Variants in ARHGEF12 observed in about 807,000 individuals in gnomAD.
The protein encoded by ARHGEF12 is KMT2A/ARHGEF12 fusion protein.
Under a neutral mutation model 211.2 loss-of-function variants are expected in ARHGEF12, and 66 were observed. The ratio of observed to expected loss-of-function variants is 0.31; its 90% CI spans 0.26 to 0.38. The LOEUF (loss-of-function observed/expected upper bound fraction) is 0.38. Among genes scored for constraint, ARHGEF12 ranks in the 10% least tolerant of loss-of-function variants. The pLI is 1.00. For synonymous variants in ARHGEF12, 592 were observed against 638.4 expected, an observed-to-expected ratio of 0.93 and a Z score of 1.09; for missense variants, 1,429 against 1,869.5, an observed-to-expected ratio of 0.76 and a Z score of 4.34.
intron 1 of ARHGEF12, among the ~76,000 whole-genome samples, chr11:120,352,900 A>G (rs1281417155): frequency 6.6e-6 from 1 of 152,214 alleles, no homozygotes; most frequent in Non-Finnish European, 1.5e-5. Context: ...AAAGCATGCC[A>G]GGGTCAGCAC....
rs745750143 is a variant in ARHGEF12 at position 120,457,105 on chromosome 11, CTT to C, written c.2057-10_2057-9del. The C allele has an allele frequency of 6.2e-6, 10 of 1,612,794 alleles. No homozygotes were observed. In the Admixed American group the frequency reaches 1.7e-4, roughly 27 times the overall value. On this transcript the variant is annotated splice_polypyrimidine_tract_variant and intron_variant, in intron 22 of 40. Coordinates refer to ENST00000397843, the MANE Select transcript of ARHGEF12 (RefSeq NM_015313.3). The stretch of plus-strand genomic sequence containing the variant: ...GTATTAACACTCTTCAAATGTCTGA[CTT>C]TTGTCTACAGGATCAAAGCAAGTTG...
Position 120,407,731 on chromosome 11 carries a change from A to G in ARHGEF12, c.57-7A>G. 1 of 1,610,506 alleles carries G rather than the reference A, an allele frequency of 6.2e-7. No individual in the cohort carries two copies. The stretch of plus-strand genomic sequence containing the variant: ...ACTAAGCATTTGATTACTTTGCTTT[A>G]ATTTAGGCATGGAAGTATTTTGAAC... On this transcript the variant is annotated splice_polypyrimidine_tract_variant and splice_region_variant and intron_variant, in intron 2 of 40. Coordinates refer to ENST00000397843, the MANE Select transcript of ARHGEF12 (RefSeq NM_015313.3).
chr11:120,471,844 T>C (rs945741798), intron 30 of ARHGEF12, among the ~76,000 whole-genome samples: 15 of 152,200 alleles, frequency 9.9e-5, no homozygotes, highest in Non-Finnish European at 1.8e-4. Context: ...TTGGAAATGA[T>C]ATTGTGGGGG....
chr11:120,351,557 A>G (rs7927027), intron 1 of ARHGEF12, among the ~76,000 whole-genome samples: 89,829 of 141,534 alleles, frequency 0.63, 29,685 homozygotes, highest in African/African-American at 0.82. Context: ...TTGAACCTCC[A>G]CCTCCCTGGT....
chr11:120,449,370 A>G, intron 21 of ARHGEF12, 156 bp downstream of exon 21: 1 of 620,346 alleles, frequency 1.6e-6, no homozygotes, highest in Non-Finnish European at 2.8e-6. Context: ...TTATTTCTGA[A>G]CTAAGTACCC....
chr11:120,409,175 A>G (rs998229952), intron 3 of ARHGEF12: 4 of 522,714 alleles, frequency 7.7e-6, no homozygotes, highest in Non-Finnish European at 1.4e-5. Context: ...TTGTTTGAAC[A>G]TATTTTTATT....
chr11:120,483,329 C>T (rs1359520422), intron 39 of ARHGEF12, among the ~76,000 whole-genome samples: 3 of 126,630 alleles, frequency 2.4e-5, no homozygotes, highest in Non-Finnish European at 3.1e-5. Flanking sequence ...GGCGCTATTT[C>T]GGCTCACTGC....
chr11:120,340,667 C>T (rs928237270), intron 1 of ARHGEF12, among the ~76,000 whole-genome samples: 5 of 152,086 alleles, frequency 3.3e-5, no homozygotes, highest in African/African-American at 4.8e-5. Context: ...AGTCATCTCT[C>T]GGCAAGGTGA....
chr11:120,452,041 A>G (rs569841559), intron 22 of ARHGEF12, among the ~76,000 whole-genome samples: 7 of 152,330 alleles, frequency 4.6e-5, no homozygotes, highest in Middle Eastern at 3.4e-3. Flanking sequence ...AAAAATGCAA[A>G]TTGTGCCAAG....
At chr11:120,374,322 G>C (rs1943667784) in intron 1 of ARHGEF12, among the ~76,000 whole-genome samples, 1 of 152,138 alleles carries the variant, frequency 6.6e-6, no homozygotes, top group Non-Finnish European at 1.5e-5. Flanking sequence ...CAGTTCAGCA[G>C]TTTTGACATT....
Position 120,479,982 on chromosome 11 carries a change from G to A in ARHGEF12, c.3789G>A (p.Leu1263=), listed in dbSNP as rs574285239. 7.4e-6 allele frequency: 12 copies of A among 1,612,602 alleles called. No homozygotes were observed. In the Admixed American group the frequency reaches 1.8e-4, roughly 25 times the overall value. The part of the protein sequence containing the change: ...LRNLGLLKQL[L]VQQLGLTEKS... ...TAGTGGGTTTGTTGAAGCAGTTGCT[G>A]GTGCAACAGCTAGGTTTGACTGAGA... is the stretch of plus-strand genomic sequence containing the variant. Residue 1263 remains leucine (L), a synonymous_variant, in exon 38 of 41, where the codon CTG becomes CTA. Transcript: ENST00000397843.
intron 4 of ARHGEF12, among the ~76,000 whole-genome samples, chr11:120,420,245 ACCT>A (rs1461980891): frequency 6.6e-6 from 1 of 151,754 alleles, no homozygotes; most frequent in Non-Finnish European, 1.5e-5. Flanking sequence ...CTCTGTAAGC[ACCT>A]CCTTTCTTTT....
chr11:120,422,824 C>G (rs191187160), intron 6 of ARHGEF12, among the ~76,000 whole-genome samples: 3 of 152,196 alleles, frequency 2.0e-5, no homozygotes, highest in African/African-American at 7.2e-5. Context: ...TGACTCTAAT[C>G]TAGATATAGA....
At chr11:120,346,441 C>T (rs1047856287) in intron 1 of ARHGEF12, among the ~76,000 whole-genome samples, 29 of 152,212 alleles carry the variant, frequency 1.9e-4, no homozygotes, top group Admixed American at 1.6e-3. Context: ...TTAAAGCTTT[C>T]ACTCAGTCAT....
chr11:120,478,345 T>C lies in ARHGEF12; in HGVS notation c.3722T>C (p.Leu1241Pro). 5 of 1,614,238 alleles carry C rather than the reference T, an allele frequency of 3.1e-6. No individual in the cohort carries two copies. The highest frequency in any genetic ancestry group is 4.2e-6 in the Non-Finnish European group (5 of 1,180,042). The change falls in exon 37 of 41, where the codon CTG becomes CCG. Residue 1241 changes from leucine (L) to proline (P), a missense_variant. Physicochemically the swap from Leu to Pro is moderately conservative, Grantham distance 98. This residue lies in a region of ARHGEF12 where 467 missense variants were observed against 468.4 expected (regional missense o/e 1.00). Transcript: ENST00000397843. The stretch of plus-strand genomic sequence containing the variant: ...CAAATCGCAATCCCAGATTCACACC[T>C]GCCTGTCTCAGAAGAACGGTGGGCA... Reference protein sequence around the residue: ...DYQIAIPDSHLPVSEERWALD... With the variant: ...DYQIAIPDSHPPVSEERWALD...
intron 4 of ARHGEF12, among the ~76,000 whole-genome samples, chr11:120,414,234 A>G (rs1417238486): frequency 1.3e-5 from 2 of 152,188 alleles, no homozygotes. Flanking sequence ...GCAAAATATG[A>G]TTTTTAAGAG....
chr11:120,393,623 A>G (rs1944287514), intron 1 of ARHGEF12, among the ~76,000 whole-genome samples: 1 of 152,226 alleles, frequency 6.6e-6, no homozygotes, highest in Admixed American at 6.5e-5. Flanking sequence ...AAAAGAAGAC[A>G]TATCTAGGCA....
chr11:120,457,021 G>A (rs1946383331), intron 22 of ARHGEF12, 97 bp from the exon 23 acceptor site: 1 of 1,138,458 alleles, frequency 8.8e-7, no homozygotes, highest in Admixed American at 2.3e-5. Flanking sequence ...ATGTAGCTAT[G>A]GATTAGGCTG....
intron 1 of ARHGEF12, among the ~76,000 whole-genome samples, chr11:120,373,597 G>A (rs1029170374): frequency 5.9e-5 from 9 of 152,054 alleles, no homozygotes; most frequent in Admixed American, 1.3e-4. Context: ...TTATTGGTAC[G>A]ATATTCTATT....
Sources: allele counts gnomAD v4.1 joint callset (sites outside exome capture counted in the v4.1 genomes callset), GRCh38; gene constraint gnomAD v4.1.1; regional missense constraint gnomAD v4.1.1; transcripts MANE v1.5; gene names NCBI Gene and HGNC (gene_info 2026-07-23, HGNC 2026-07-21).